The following CCSER2 variants were observed in gnomAD, a reference collection of about 807,000 sequenced individuals.
CCSER2 encodes the protein coiled-coil serine rich protein 2, also known as serine-rich coiled-coil domain-containing protein 2.
CCSER2 carries 46 observed loss-of-function variants against 92.3 expected under a neutral mutation model. The ratio of observed to expected loss-of-function variants is 0.50; its 90% CI spans 0.39 to 0.64. CCSER2 has a LOEUF of 0.64. CCSER2 is among the 30% of genes least tolerant of loss of function. CCSER2 has a pLI of 0.00. For missense variants in CCSER2, 1,244 were observed against 1,238.9 expected (o/e 1.00, Z -0.06); for synonymous variants, 433 against 431.4 (o/e 1.00, Z -0.04).
At chr10:84,346,238 A>G (rs1844468594) in intron 1 of CCSER2, among the ~76,000 whole-genome samples, 1 of 151,930 alleles carries the variant, frequency 6.6e-6, no homozygotes, top group East Asian at 1.9e-4. Flanking sequence ...CTAATTTTGT[A>G]CTTTTAGTAG....
intron 6 of CCSER2, among the ~76,000 whole-genome samples, chr10:84,440,915 C>T (rs1326988957): frequency 6.6e-6 from 1 of 152,188 alleles, no homozygotes; most frequent in Non-Finnish European, 1.5e-5. Flanking sequence ...CATTCTGATC[C>T]ATTGTACATT....
intron 3 of CCSER2, among the ~76,000 whole-genome samples, chr10:84,401,328 A>AGT (rs1388748444): frequency 3.3e-5 from 5 of 152,200 alleles, no homozygotes; most frequent in Non-Finnish European, 7.3e-5. Context: ...ACAAAGGCAT[A>AGT]GTGAAACAAA....
intron 9 of CCSER2, chr10:84,499,998 C>A (rs1163703456): frequency 6.2e-7 from 1 of 1,613,598 alleles, no homozygotes; most frequent in Admixed American, 1.7e-5. Flanking sequence ...GCTCTGGCTT[C>A]CCCTTCATGG....
In CCSER2 at chr10:84,371,933, A is replaced by G; in HGVS notation, c.881A>G (p.Tyr294Cys). Residue 294 changes from tyrosine (Y) to cysteine (C), a missense_variant, in exon 2 of 10, where the codon TAT becomes TGT. Physicochemically the swap from Tyr to Cys is radical, Grantham distance 194. Coordinates refer to ENST00000372088, the MANE Select transcript of CCSER2 (RefSeq NM_001284240.2). ...TTGGGGTATGGATTTAATAGGCCTT[A>G]TGCTGCTGGTGGAAAGAAGTTGGCT... ...EHLGYGFNRPYAAGGKKLALP... is the reference protein window; with the variant it reads ...EHLGYGFNRPCAAGGKKLALP... 1 of 1,613,836 alleles carries G rather than the reference A, an allele frequency of 6.2e-7. No individual in the cohort carries two copies. Among genetic ancestry groups the G allele is most frequent in the Non-Finnish European group, 8.5e-7 (1 of 1,179,826 alleles).
At chr10:84,385,627 A>G (rs1841159138) in intron 3 of CCSER2, among the ~76,000 whole-genome samples, 2 of 152,218 alleles carry the variant, frequency 1.3e-5, no homozygotes, top group Non-Finnish European at 2.9e-5. Context: ...ACTTAAATGT[A>G]AGATCGAAAA....
chr10:84,416,004 C>T (rs984923228), intron 3 of CCSER2, among the ~76,000 whole-genome samples: 2 of 152,180 alleles, frequency 1.3e-5, no homozygotes, highest in Non-Finnish European at 1.5e-5. Context: ...ATATGCAAAA[C>T]TCATGTATCT....
intron 9 of CCSER2, among the ~76,000 whole-genome samples, chr10:84,513,233 A>G (rs1037744023): frequency 2.0e-5 from 3 of 152,080 alleles, no homozygotes; most frequent in Admixed American, 1.3e-4. Context: ...GATCTTGTTC[A>G]GTGTTTACTG....
At chr10:84,511,834 C>T (rs1007512920) in intron 9 of CCSER2, among the ~76,000 whole-genome samples, 2 of 152,030 alleles carry the variant, frequency 1.3e-5, no homozygotes, top group African/African-American at 4.8e-5. Context: ...TAGTATCTTC[C>T]GTTTTGCGGG....
At chr10:84,489,891 C>A (rs1589800915) in intron 9 of CCSER2, among the ~76,000 whole-genome samples, 1 of 152,180 alleles carries the variant, frequency 6.6e-6, no homozygotes, top group Admixed American at 6.5e-5. Flanking sequence ...TTGTTCCTTT[C>A]CATGTTTAGT....
intron 6 of CCSER2, chr10:84,455,938 T>A (rs1326585191): frequency 4.5e-6 from 3 of 669,892 alleles, no homozygotes; most frequent in Non-Finnish European, 8.6e-6. Flanking sequence ...TGTTCTGGAT[T>A]TCTGTCTCAA....
chr10:84,397,966 A>G (rs1439621548), intron 3 of CCSER2, among the ~76,000 whole-genome samples: 1 of 152,250 alleles, frequency 6.6e-6, no homozygotes, highest in Non-Finnish European at 1.5e-5. Flanking sequence ...CATTTGAGAA[A>G]CAGGGTGTAT....
At chr10:84,396,438 G>A (rs1047176656) in intron 3 of CCSER2, among the ~76,000 whole-genome samples, 13 of 151,060 alleles carry the variant, frequency 8.6e-5, no homozygotes, top group African/African-American at 3.2e-4. Flanking sequence ...TGTTTTCCAA[G>A]TTTACTTACG....
intron 6 of CCSER2, among the ~76,000 whole-genome samples, chr10:84,446,035 T>C (rs932530041): frequency 1.3e-5 from 2 of 152,018 alleles, no homozygotes; most frequent in African/African-American, 4.8e-5. Flanking sequence ...ACAAAGGTTT[T>C]CTAAAGTAGT....
intron 1 of CCSER2, among the ~76,000 whole-genome samples, chr10:84,356,776 A>AT (rs1324764204): frequency 6.6e-6 from 1 of 152,192 alleles, no homozygotes; most frequent in African/African-American, 2.4e-5. Flanking sequence ...GAACCTATGA[A>AT]TAGGAGCTTA....
chr10:84,507,516 T>C (rs1285803188), intron 9 of CCSER2, among the ~76,000 whole-genome samples: 2 of 152,230 alleles, frequency 1.3e-5, no homozygotes, highest in Non-Finnish European at 2.9e-5. Flanking sequence ...TAAACTTGTA[T>C]GTACCCAGGA....
intron 3 of CCSER2, among the ~76,000 whole-genome samples, chr10:84,378,849 A>G (rs1846488552): frequency 6.6e-6 from 1 of 152,302 alleles, no homozygotes; most frequent in Admixed American, 6.5e-5. Context: ...CTGGGACTAC[A>G]GGTGCATGCC....
chr10:84,356,533 T>A (rs185659080), intron 1 of CCSER2, among the ~76,000 whole-genome samples: 32 of 152,234 alleles, frequency 2.1e-4, no homozygotes, highest in Admixed American at 7.8e-4. Flanking sequence ...AGTATTTTTT[T>A]AAAAAAATGT....
chr10:84,415,683 C>A (rs1169630749), intron 3 of CCSER2, among the ~76,000 whole-genome samples: 1 of 152,176 alleles, frequency 6.6e-6, no homozygotes, highest in African/African-American at 2.4e-5. Context: ...TTTTTGTTAG[C>A]ACAGCTGTGC....
rs74637447 is a variant in CCSER2 at position 84,477,177 on chromosome 10, C to G, written c.2236-398C>G. ...ATACTTAACTCTTTATATTGATATA[C>G]ATAAAATCATATATTGTATGTTTTA... On this transcript the variant is annotated intron_variant, in intron 8 of 9. Coordinates refer to ENST00000372088, the MANE Select transcript of CCSER2 (RefSeq NM_001284240.2). Among the ~76,000 whole-genome samples the G allele has an allele frequency of 2.5e-3, 386 of 152,180 alleles. 2 individuals carry two copies. The highest frequency in any genetic ancestry group is 8.5e-3 in the African/African-American group (354 of 41,532).
Sources: gnomAD v4.1 joint callset for allele counts (sites outside exome capture counted in the v4.1 genomes callset) on GRCh38, gnomAD v4.1.1 for gene constraint, MANE v1.5 for transcripts, NCBI Gene and HGNC (gene_info 2026-07-23, HGNC 2026-07-21) for gene names.